COL23A1: variants seen among roughly 807,000 people sequenced by gnomAD.
COL23A1 encodes the protein collagen alpha-1(XXIII) chain.
COL23A1 carries 97 observed loss-of-function variants against 99.3 expected under a neutral mutation model. That is an observed-to-expected ratio of 0.98 (90% CI 0.83 to 1.16). COL23A1 has a LOEUF of 1.16. COL23A1 is among the 50% of genes most tolerant of loss of function. The pLI, the probability that COL23A1 is intolerant of heterozygous loss-of-function variation, is 0.00. For missense variants in COL23A1, 762 were observed against 757.4 expected, an observed-to-expected ratio of 1.01 and a Z score of -0.07; for synonymous variants, 320 against 308.2, an observed-to-expected ratio of 1.04 and a Z score of -0.40.
intron 27 of COL23A1, among the ~76,000 whole-genome samples, chr5:178,241,598 G>A (rs10903280): frequency 0.43 from 65,561 of 152,042 alleles, 14,319 homozygotes; most frequent in East Asian, 0.6. Flanking sequence ...CGCCCCCAGC[G>A]GCAGCGTGTC....
At chr5:178,358,113 G>A (rs1033348108) in intron 2 of COL23A1, among the ~76,000 whole-genome samples, 2 of 150,028 alleles carry the variant, frequency 1.3e-5, no homozygotes, top group African/African-American at 4.9e-5. Context: ...GTGTGTATGT[G>A]TATGTGTACG....
chr5:178,377,619 G>A (rs1763146987), intron 2 of COL23A1, among the ~76,000 whole-genome samples: 1 of 152,174 alleles, frequency 6.6e-6, no homozygotes, highest in Non-Finnish European at 1.5e-5. Flanking sequence ...CATCTCCAAG[G>A]CGGTGCCATC....
intron 2 of COL23A1, among the ~76,000 whole-genome samples, chr5:178,437,240 G>C (rs1426732401): frequency 6.6e-6 from 1 of 152,164 alleles, no homozygotes; most frequent in Non-Finnish European, 1.5e-5. Context: ...GCCCACAGGG[G>C]TCCTGGGCTC....
chr5:178,362,916 C>T (rs1361894121), intron 2 of COL23A1, among the ~76,000 whole-genome samples: 21 of 79,162 alleles, frequency 2.7e-4, no homozygotes, highest in African/African-American at 1.0e-3. Context: ...CCCACAGCAA[C>T]CCACCCCCAC....
chr5:178,466,958 C>T (rs868245065), intron 2 of COL23A1, among the ~76,000 whole-genome samples: 4 of 152,206 alleles, frequency 2.6e-5, no homozygotes, highest in African/African-American at 9.6e-5. Context: ...GTTTCCCCAG[C>T]TGTAAAATGG....
intron 2 of COL23A1, among the ~76,000 whole-genome samples, chr5:178,518,708 A>G (rs1323608797): frequency 2.2e-4 from 30 of 139,088 alleles, no homozygotes; most frequent in Non-Finnish European, 2.9e-4. Flanking sequence ...ATGGGCGGCC[A>G]GGCAGAGACA....
At chr5:178,349,509 G>A (rs1449991758) in intron 2 of COL23A1, among the ~76,000 whole-genome samples, 2 of 27,154 alleles carry the variant, frequency 7.4e-5, no homozygotes, top group African/African-American at 1.6e-4. Flanking sequence ...CATCCCCCAT[G>A]CCCCACACCT....
Position 178,306,218 on chromosome 5 carries a change from C to T in COL23A1, c.406+657G>A, listed in dbSNP as rs1758344299. Among the ~76,000 whole-genome samples the T allele has an allele frequency of 6.6e-6, 1 of 151,824 alleles. No individual in the cohort carries two copies. The highest frequency in any genetic ancestry group is 2.4e-5 in the African/African-American group (1 of 41,284). On this transcript the variant is annotated intron_variant, in intron 3 of 28. Coordinates refer to ENST00000390654, the MANE Select transcript of COL23A1 (RefSeq NM_173465.4). The surrounding 1 kb of genome is among the most constrained non-coding windows in gnomAD (Gnocchi z 4.1). Reference sequence around the variant, plus strand: ...GGACTGCCCAGCATGGGGGAGTGGCCAAGGGTGGGGGTCAAGAAAGAGAAA... The same window carrying T: ...GGACTGCCCAGCATGGGGGAGTGGCTAAGGGTGGGGGTCAAGAAAGAGAAA...
chr5:178,329,255 C>G (rs1482864771), intron 2 of COL23A1, among the ~76,000 whole-genome samples: 1 of 152,246 alleles, frequency 6.6e-6, no homozygotes, highest in South Asian at 2.1e-4. Flanking sequence ...GATGACCCAG[C>G]CAACATGGAA....
chr5:178,556,174 A>G (rs1762260516), intron 2 of COL23A1, among the ~76,000 whole-genome samples: 1 of 152,164 alleles, frequency 6.6e-6, no homozygotes, highest in Admixed American at 6.5e-5. Context: ...CTGGACCAAA[A>G]CAAGGCAGCA....
At chr5:178,556,625 T>TTAAAATAAAA (rs374978162) in intron 2 of COL23A1, among the ~76,000 whole-genome samples, 8,527 of 124,466 alleles carry the variant, frequency 0.069, 437 homozygotes, top group African/African-American at 0.12. Context: ...CTCTGTCAAA[T>TTAAAATAAAA]TAAAATAAAA....
chr5:178,459,390 A>G (rs58904897), intron 2 of COL23A1, among the ~76,000 whole-genome samples: 3,542 of 152,310 alleles, frequency 0.023, 158 homozygotes, highest in African/African-American at 0.081. Flanking sequence ...ATTGTGATTT[A>G]GTAATTGCAG....
chr5:178,361,602 C>G (rs116041637), intron 2 of COL23A1, among the ~76,000 whole-genome samples: 2,185 of 152,196 alleles, frequency 0.014, 38 homozygotes, highest in African/African-American at 0.042. Flanking sequence ...CATACACCCC[C>G]CTACAGGACT....
chr5:178,467,034 G>A (rs1054049452), intron 2 of COL23A1, among the ~76,000 whole-genome samples: 1 of 152,214 alleles, frequency 6.6e-6, no homozygotes, highest in South Asian at 2.1e-4. Context: ...ATATATATAC[G>A]TAAAATGCCG....
At chr5:178,583,502 C>G (rs1006360848) in intron 1 of COL23A1, among the ~76,000 whole-genome samples, 1 of 152,258 alleles carries the variant, frequency 6.6e-6, no homozygotes, top group Non-Finnish European at 1.5e-5. Context: ...CACACACACA[C>G]AGACGCAGCT....
At chr5:178,529,781 T>C (rs531559730) in intron 2 of COL23A1, among the ~76,000 whole-genome samples, 1 of 152,242 alleles carries the variant, frequency 6.6e-6, no homozygotes, top group East Asian at 1.9e-4. Context: ...TCAGGCCTGA[T>C]TTAAACTCCT....
At chr5:178,515,904 G>A (rs766122546) in intron 2 of COL23A1, among the ~76,000 whole-genome samples, 1 of 151,890 alleles carries the variant, frequency 6.6e-6, no homozygotes, top group Non-Finnish European at 1.5e-5. Context: ...AGTTGGACCC[G>A]GTCCAGTGCT....
intron 5 of COL23A1, among the ~76,000 whole-genome samples, chr5:178,274,978 C>T (rs968457001): frequency 1.3e-5 from 2 of 152,232 alleles, no homozygotes; most frequent in African/African-American, 2.4e-5. Flanking sequence ...AGCCGGGCTC[C>T]GGGATGTTTC....
At chr5:178,304,664 G>A (rs1000468446) in intron 3 of COL23A1, among the ~76,000 whole-genome samples, 2 of 152,180 alleles carry the variant, frequency 1.3e-5, no homozygotes, top group Non-Finnish European at 2.9e-5. Context: ...GCCCATCAGA[G>A]AGGCACGTCT....
Sources: gnomAD v4.1 joint callset for allele counts (sites outside exome capture counted in the v4.1 genomes callset) on GRCh38, gnomAD v4.1.1 for gene constraint, Gnocchi (gnomAD v3.1) non-coding constraint, MANE v1.5 for transcripts, NCBI Gene and HGNC (gene_info 2026-07-23, HGNC 2026-07-21) for gene names.